Variants in AGAP1 observed in about 807,000 individuals in gnomAD.
AGAP1 encodes arf-GAP with GTPase, ANK repeat and PH domain-containing protein 1.
AGAP1 carries 29 observed loss-of-function variants against 105.3 expected under a neutral mutation model. The observed-to-expected ratio is 0.28, with a 90% CI of 0.21 to 0.38. The LOEUF is 0.38. Ranked by LOEUF, AGAP1 falls within the 10% of genes least tolerant of loss-of-function variation. AGAP1 has a pLI of 1.00. For missense variants in AGAP1, 998 were observed against 1,165.1 expected (o/e 0.86, Z 2.09); for synonymous variants, 509 against 485.9 (o/e 1.05, Z -0.63).
intron 13 of AGAP1, among the ~76,000 whole-genome samples, chr2:236,023,450 A>G (rs2056948631): frequency 6.6e-6 from 1 of 152,220 alleles, no homozygotes; most frequent in Admixed American, 6.5e-5. Flanking sequence ...GGGAGAACCC[A>G]TAGCGAAAAC....
chr2:235,826,162 G>A (rs1453533391), intron 9 of AGAP1, among the ~76,000 whole-genome samples: 3 of 152,202 alleles, frequency 2.0e-5, no homozygotes, highest in East Asian at 3.9e-4. Context: ...GGAACACACC[G>A]TTTGCTTACT....
At chr2:235,508,655 A>G (rs904994849) in intron 1 of AGAP1, among the ~76,000 whole-genome samples, 4 of 152,202 alleles carry the variant, frequency 2.6e-5, no homozygotes, top group African/African-American at 9.7e-5. Flanking sequence ...TCCAAACGGC[A>G]TGCCTTTGAA....
chr2:235,698,380 A>G (rs1425345247), intron 1 of AGAP1, among the ~76,000 whole-genome samples: 2 of 152,094 alleles, frequency 1.3e-5, no homozygotes. Context: ...CTGTTTTAAT[A>G]TACATCTCCA....
In AGAP1 at chr2:235,686,656, TATA is replaced by T. The variant is rs1559351137; in HGVS notation, c.164-22522_164-22520del. On this transcript the variant is annotated intron_variant, in intron 1 of 17. Coordinates refer to ENST00000304032, the MANE Select transcript of AGAP1 (RefSeq NM_001037131.3). The stretch of plus-strand genomic sequence containing the variant: ...ATATATATATATATAGATATATATA[TATA>T]TATATATTTTTTTTTTTTTTTAGAC... Among the ~76,000 whole-genome samples, 74 of 58,454 alleles carry T rather than the reference TATA, an allele frequency of 1.3e-3. 3 individuals are homozygous for T. The highest frequency in any genetic ancestry group is 2.5e-3 in the Admixed American group (13 of 5,180). 38.3% of individuals were successfully genotyped at this position (58,454 alleles called of 152,430 possible).
Position 235,982,294 on chromosome 2 carries a change from T to TA in AGAP1, c.1645+13672dup, listed in dbSNP as rs1246373395. Among the ~76,000 whole-genome samples the TA allele has an allele frequency of 2.0e-5, 3 of 151,916 alleles. No individual in the cohort carries two copies. The highest frequency in any genetic ancestry group is 7.3e-5 in the African/African-American group (3 of 41,174). On this transcript the variant is annotated intron_variant, in intron 13 of 17. Transcript: ENST00000304032. The surrounding 1 kb of genome is among the most constrained non-coding windows in gnomAD (Gnocchi z 4.9). The stretch of plus-strand genomic sequence containing the variant: ...TTAGCTGTGAATGCAGAGTAACTCT[T>TA]ACAATTAACATATAATTACCTCAAC...
In AGAP1 at chr2:235,730,538, G is replaced by A. The variant is rs115476321; in HGVS notation, c.311-10425G>A. 1.9e-3 allele frequency among the ~76,000 whole-genome samples: 287 copies of A among 149,392 alleles called. 3 individuals carry two copies. The highest frequency in any genetic ancestry group is 6.9e-3 in the African/African-American group (276 of 40,208). ...ACTCTGTCACCTGGGCTGGAGTGCA[G>A]TGGTGCCATCATAGCCCACTATACC... is the stretch of plus-strand genomic sequence containing the variant. On this transcript the variant is annotated intron_variant, in intron 3 of 17. Transcript: ENST00000304032.
chr2:235,703,242 C>T (rs1950347015), intron 1 of AGAP1, among the ~76,000 whole-genome samples: 1 of 151,976 alleles, frequency 6.6e-6, no homozygotes, highest in Admixed American at 6.5e-5. Context: ...CCACGGTTTT[C>T]CATCCCTGGT....
chr2:235,516,655 C>T (rs532509275), intron 1 of AGAP1, among the ~76,000 whole-genome samples: 37 of 152,250 alleles, frequency 2.4e-4, no homozygotes, highest in African/African-American at 8.4e-4. Context: ...CGCCTCTGGC[C>T]CTGTGCACCC....
chr2:235,558,452 A>G (rs1484396963), intron 1 of AGAP1, among the ~76,000 whole-genome samples: 1 of 152,082 alleles, frequency 6.6e-6, no homozygotes, highest in Non-Finnish European at 1.5e-5. Context: ...ATGTTTTGAA[A>G]TCTGACCTCT....
chr2:236,037,738 G>A (rs1480792821), intron 14 of AGAP1, among the ~76,000 whole-genome samples: 2 of 152,120 alleles, frequency 1.3e-5, no homozygotes, highest in African/African-American at 4.8e-5. Flanking sequence ...ACTGCCCAGT[G>A]ATGTTCCTTC....
At chr2:236,093,175 GATC>G (rs2059107749) in intron 16 of AGAP1, among the ~76,000 whole-genome samples, 1 of 152,214 alleles carries the variant, frequency 6.6e-6, no homozygotes, top group Non-Finnish European at 1.5e-5. Context: ...TTCAGTCAAG[GATC>G]ATCAACTGAA....
chr2:235,840,830 A>C (rs1054750525), intron 9 of AGAP1, among the ~76,000 whole-genome samples: 2 of 151,822 alleles, frequency 1.3e-5, no homozygotes, highest in African/African-American at 2.4e-5. Context: ...GGAATCATAC[A>C]GAAATAGCCA....
Position 236,080,604 on chromosome 2 carries a change from G to A in AGAP1, c.2114+31323G>A, listed in dbSNP as rs773542383. Among the ~76,000 whole-genome samples the A allele has an allele frequency of 6.6e-6, 1 of 152,204 alleles. No homozygotes were observed. The highest frequency in any genetic ancestry group is 1.5e-5 in the Non-Finnish European group (1 of 68,038). On this transcript the variant is annotated intron_variant, in intron 16 of 17. Coordinates refer to ENST00000304032, the MANE Select transcript of AGAP1 (RefSeq NM_001037131.3). This position sits in a 1 kb window ranked among gnomAD's most constrained non-coding sequence, Gnocchi z 4.2. ...TCTCAATCCTTCTCTTCCTAATAGG[G>A]TAGGTATAAGATTCCCATTGCTGCT...
intron 16 of AGAP1, among the ~76,000 whole-genome samples, chr2:236,057,005 G>C (rs1239241174): frequency 2.6e-5 from 4 of 152,220 alleles, no homozygotes; most frequent in Non-Finnish European, 5.9e-5. Flanking sequence ...TAAATGAGTA[G>C]TGCAAACATA....
At chr2:235,710,629 G>A (rs555949639) in intron 2 of AGAP1, among the ~76,000 whole-genome samples, 37 of 152,334 alleles carry the variant, frequency 2.4e-4, no homozygotes, top group South Asian at 4.1e-4. Flanking sequence ...GGAAAGAGCC[G>A]CCTCTTTCTG....
At chr2:235,828,011 T>C (rs1370060062) in intron 9 of AGAP1, among the ~76,000 whole-genome samples, 1 of 152,196 alleles carries the variant, frequency 6.6e-6, no homozygotes, top group Non-Finnish European at 1.5e-5. Flanking sequence ...GTCCTGACGG[T>C]GCAGTAGGGG....
In AGAP1 at chr2:235,701,167, A is replaced by G. The variant is rs1374723547; in HGVS notation, c.164-8012A>G. Reference sequence around the variant, plus strand: ...ATGCTCTATTTAGTGTATATTTTATATATTTATATATATGGGGGGGTGGAA... The same window carrying G: ...ATGCTCTATTTAGTGTATATTTTATGTATTTATATATATGGGGGGGTGGAA... On this transcript the variant is annotated intron_variant, in intron 1 of 17. Transcript: ENST00000304032. This position sits in a 1 kb window ranked among gnomAD's most constrained non-coding sequence, Gnocchi z 4.1. Among the ~76,000 whole-genome samples the G allele has an allele frequency of 1.3e-5, 2 of 150,098 alleles. No individual in the cohort carries two copies. The highest frequency in any genetic ancestry group is 2.4e-5 in the African/African-American group (1 of 40,956).
intron 1 of AGAP1, among the ~76,000 whole-genome samples, chr2:235,511,651 GA>G (rs201778508): frequency 0.014 from 2,184 of 152,278 alleles, 33 homozygotes; most frequent in African/African-American, 0.049. Context: ...AAATCTCCTG[GA>G]AACTTCTATA....
At chr2:235,956,512 G>GA (rs1009266933) in intron 12 of AGAP1, among the ~76,000 whole-genome samples, 1,482 of 145,840 alleles carry the variant, frequency 0.01, 9 homozygotes, top group African/African-American at 0.025. Context: ...CCTCTGGCAT[G>GA]AAAAAAAAAA....
Sources: allele counts gnomAD v4.1 joint callset (sites outside exome capture counted in the v4.1 genomes callset), GRCh38; gene constraint gnomAD v4.1.1; non-coding constraint Gnocchi (gnomAD v3.1); transcripts MANE v1.5; gene names NCBI Gene and HGNC (gene_info 2026-07-23, HGNC 2026-07-21).